Variants in COL21A1 observed in about 807,000 individuals in gnomAD.
COL21A1 encodes collagen alpha-1(XXI) chain.
COL21A1 carries 149 observed loss-of-function variants against 137.9 expected under a neutral mutation model. The observed-to-expected ratio is 1.08, with a 90% CI of 0.95 to 1.24. The LOEUF is 1.24. Among genes scored for constraint, COL21A1 ranks in the 50% most tolerant of loss-of-function variants. The pLI, the probability that COL21A1 is intolerant of heterozygous loss-of-function variation, is 0.00. For missense variants in COL21A1, 1,167 were observed against 1,158.4 expected (o/e 1.01, Z -0.11); for synonymous variants, 456 against 391.5 (o/e 1.16, Z -1.95).
chr6:56,195,626 A>C (rs1408190655), intron 1 of COL21A1, among the ~76,000 whole-genome samples: 1 of 152,104 alleles, frequency 6.6e-6, no homozygotes, highest in Non-Finnish European at 1.5e-5. Flanking sequence ...TATGCTAACA[A>C]ACTGCATAAC....
chr6:56,074,241 C>G lies in COL21A1; in HGVS notation c.1956G>C (p.Pro652=), dbSNP rs752245502. 1.9e-6 allele frequency: 3 copies of G among 1,582,174 alleles called. No individual in the cohort carries two copies. The East Asian group carries it at 7.0e-5, about 37-fold the overall frequency. ...ATTTTATCATATTTACCTTAGATCCCGGTGTTCCAGGCTGGCCTGGTGAGC... is the reference window on the plus strand; with the variant it reads ...ATTTTATCATATTTACCTTAGATCCGGGTGTTCCAGGCTGGCCTGGTGAGC... ...SNGSPGQPGT[P]GSKGSKGEPG... Residue 652 remains proline, a synonymous_variant, in exon 20 of 30, where the codon CCG becomes CCC. Transcript: ENST00000244728.
chr6:56,130,263 T>C (rs1773449683), intron 12 of COL21A1, among the ~76,000 whole-genome samples: 1 of 145,212 alleles, frequency 6.9e-6, no homozygotes, highest in Admixed American at 7.0e-5. Context: ...AAATTTCAAA[T>C]TATATACATG....
chr6:56,306,706 C>G (rs943610976), intron 1 of COL21A1, among the ~76,000 whole-genome samples: 1 of 151,986 alleles, frequency 6.6e-6, no homozygotes, highest in African/African-American at 2.4e-5. Context: ...GTAGTTTGAT[C>G]ATCTGAAGCC....
intron 1 of COL21A1, among the ~76,000 whole-genome samples, chr6:56,203,773 A>T (rs1481446783): frequency 6.6e-6 from 1 of 152,228 alleles, no homozygotes; most frequent in Non-Finnish European, 1.5e-5. Context: ...TACCCAGTTC[A>T]TCTCACTGGG....
intron 17 of COL21A1, among the ~76,000 whole-genome samples, chr6:56,079,106 C>G (rs1447834188): frequency 6.6e-6 from 1 of 151,656 alleles, no homozygotes; most frequent in Non-Finnish European, 1.5e-5. Flanking sequence ...TGGTGTGAAA[C>G]CACCCTGTGA....
rs546785825 is a variant in COL21A1, at chr6:56,061,046, A to C, written c.2206-9T>G. On this transcript the variant is annotated splice_polypyrimidine_tract_variant and intron_variant, in intron 25 of 29. Transcript: ENST00000244728. The stretch of plus-strand genomic sequence containing the variant: ...TCTCCCTTTTCACCTCTCTAAAAGC[A>C]AAAGAAATCTTTACAAGTTCTATTT... The C allele has an allele frequency of 6.4e-7, 1 of 1,568,730 alleles. No individual in the cohort carries two copies. Among genetic ancestry groups the C allele is most frequent in the Admixed American group, 2.1e-5 (1 of 47,032 alleles).
chr6:56,300,954 T>C (rs1436741851), intron 1 of COL21A1, among the ~76,000 whole-genome samples: 1 of 152,196 alleles, frequency 6.6e-6, no homozygotes, highest in East Asian at 1.9e-4. Context: ...AAACATATTT[T>C]GAGCATCTGT....
At chr6:56,090,417 C>T (rs1768691286) in intron 17 of COL21A1, among the ~76,000 whole-genome samples, 1 of 152,130 alleles carries the variant, frequency 6.6e-6, no homozygotes, top group South Asian at 2.1e-4. Context: ...TGTGATTAAA[C>T]CTGGTGGGAC....
chr6:56,388,109 G>A (rs181308961), intron 1 of COL21A1, among the ~76,000 whole-genome samples: 36 of 152,312 alleles, frequency 2.4e-4, no homozygotes, highest in Admixed American at 1.6e-3. Context: ...GATTCCCAAA[G>A]CCCCTGATTG....
intron 1 of COL21A1, among the ~76,000 whole-genome samples, chr6:56,277,930 T>C (rs1335692355): frequency 6.6e-6 from 1 of 152,246 alleles, no homozygotes; most frequent in East Asian, 1.9e-4. Context: ...TCATAATTTG[T>C]TAATTCTCAT....
In COL21A1 at chr6:56,360,915, C is replaced by G. The variant is rs373942925; in HGVS notation, c.-39+33056G>C. 9.1e-4 allele frequency among the ~76,000 whole-genome samples: 139 copies of G among 152,258 alleles called. 8 individuals carry two copies. In the South Asian group the frequency reaches 0.027, roughly 30 times the overall value. ...AGGAGTTCAAGACCAGTCTGGCCAT[C>G]ATGGGGAAACTCCGTCTCTACTAAA... On this transcript the variant is annotated intron_variant, in intron 1 of 28. Transcript: ENST00000370819.
chr6:56,362,824 G>A (rs1341427030), intron 1 of COL21A1, among the ~76,000 whole-genome samples: 3 of 152,104 alleles, frequency 2.0e-5, no homozygotes, highest in Non-Finnish European at 2.9e-5. Context: ...CTAGCTGTTT[G>A]TGTGTTTGAT....
At chr6:56,194,739 T>C (rs1000859484) in intron 1 of COL21A1, among the ~76,000 whole-genome samples, 1 of 152,138 alleles carries the variant, frequency 6.6e-6, no homozygotes, top group Non-Finnish European at 1.5e-5. Flanking sequence ...TGTATAAAAA[T>C]CACTTAGAGA....
At chr6:56,156,094 A>G (rs10046394) in intron 10 of COL21A1, among the ~76,000 whole-genome samples, 1,598 of 152,340 alleles carry the variant, frequency 0.01, 27 homozygotes, top group African/African-American at 0.036. Context: ...GGAAAATAAC[A>G]TTACCTTTAA....
chr6:56,367,223 G>T (rs1766121697), intron 1 of COL21A1, among the ~76,000 whole-genome samples: 1 of 152,172 alleles, frequency 6.6e-6, no homozygotes, highest in South Asian at 2.1e-4. Flanking sequence ...AATGCTGATT[G>T]TTGTTTACAC....
At chr6:56,366,194 G>A (rs1001910030) in intron 1 of COL21A1, among the ~76,000 whole-genome samples, 9 of 152,092 alleles carry the variant, frequency 5.9e-5, no homozygotes, top group Non-Finnish European at 1.2e-4. Context: ...AGGAGGGAAC[G>A]TGCAAAAAAG....
intron 1 of COL21A1, among the ~76,000 whole-genome samples, chr6:56,359,391 T>G (rs905936101): frequency 1.3e-5 from 2 of 152,184 alleles, no homozygotes; most frequent in Non-Finnish European, 2.9e-5. Context: ...AAACACCGTC[T>G]GTGTTGTTCA....
chr6:56,185,426 C>CTT (rs777045553), intron 1 of COL21A1, among the ~76,000 whole-genome samples: 6 of 100,160 alleles, frequency 6.0e-5, no homozygotes, highest in Non-Finnish European at 5.6e-5. Context: ...AATGAACAGT[C>CTT]TTTTTTTTTT....
intron 17 of COL21A1, among the ~76,000 whole-genome samples, chr6:56,096,055 C>G (rs2114227450): frequency 6.6e-6 from 1 of 152,186 alleles, no homozygotes; most frequent in Middle Eastern, 3.4e-3. Flanking sequence ...CCATGTTTGC[C>G]AGGCTGGTCT....
Sources: gnomAD v4.1 joint callset for allele counts (sites outside exome capture counted in the v4.1 genomes callset) on GRCh38, gnomAD v4.1.1 for gene constraint, MANE v1.5 for transcripts, NCBI Gene and HGNC (gene_info 2026-07-23, HGNC 2026-07-21) for gene names.